Variants in SGMS1 observed in about 807,000 individuals in gnomAD.
SGMS1 encodes the protein phosphatidylcholine:ceramide cholinephosphotransferase 1.
SGMS1 carries 13 observed loss-of-function variants against 46.2 expected under a neutral mutation model. The ratio of observed to expected loss-of-function variants is 0.28; its 90% CI spans 0.18 to 0.45. SGMS1 has a LOEUF of 0.45. Ranked by LOEUF, SGMS1 falls within the 20% of genes least tolerant of loss-of-function variation. The probability of loss-of-function intolerance (pLI) is 1.00; values close to 1 mark genes in which losing one functional copy is unlikely to be tolerated. For missense variants in SGMS1, 324 were observed against 519.9 expected, an observed-to-expected ratio of 0.62 and a Z score of 3.66; for synonymous variants, 203 against 187.8, an observed-to-expected ratio of 1.08 and a Z score of -0.66.
chr10:50,378,106 A>G (rs961399956), intron 6 of SGMS1, among the ~76,000 whole-genome samples: 8 of 152,226 alleles, frequency 5.3e-5, no homozygotes, highest in African/African-American at 1.9e-4. Flanking sequence ...TTTAGGAGCC[A>G]TAATTCAAGA....
chr10:50,565,249 C>G (rs552752381), intron 2 of SGMS1, among the ~76,000 whole-genome samples: 1 of 152,168 alleles, frequency 6.6e-6, no homozygotes, highest in Non-Finnish European at 1.5e-5. Context: ...TTATACCTAG[C>G]AGACACACAA....
chr10:50,503,285 T>C lies in SGMS1; in HGVS notation c.-498+16546A>G, dbSNP rs1837677020. On this transcript the variant is annotated intron_variant, in intron 3 of 10. Coordinates refer to ENST00000361781, the MANE Select transcript of SGMS1 (RefSeq NM_147156.4). ...AATGCTGTTTTTCTAGAAGAGCTGA[T>C]TAGGAACACGCTAATTGTCCTAAGT... is the stretch of plus-strand genomic sequence containing the variant. Among the ~76,000 whole-genome samples, 4 of 152,194 alleles carry C rather than the reference T, an allele frequency of 2.6e-5. No homozygotes were observed. In the South Asian group the frequency reaches 8.3e-4, roughly 32 times the overall value.
At chr10:50,435,703 C>T (rs1217942934) in intron 5 of SGMS1, among the ~76,000 whole-genome samples, 2 of 152,150 alleles carry the variant, frequency 1.3e-5, no homozygotes, top group Admixed American at 6.5e-5. Flanking sequence ...ATGCTGGGCA[C>T]CACATCACAG....
At chr10:50,355,615 G>A (rs1174550143) in intron 6 of SGMS1, among the ~76,000 whole-genome samples, 1 of 152,130 alleles carries the variant, frequency 6.6e-6, no homozygotes, top group Non-Finnish European at 1.5e-5. Flanking sequence ...CGTGATCTCG[G>A]CTCGCTACAA....
chr10:50,513,092 T>C (rs1031245407), intron 3 of SGMS1, among the ~76,000 whole-genome samples: 3 of 152,204 alleles, frequency 2.0e-5, no homozygotes, highest in African/African-American at 7.2e-5. Flanking sequence ...CCAAAAACAC[T>C]GAGCTTCTTG....
At chr10:50,519,051 C>A (rs186077639) in intron 3 of SGMS1, among the ~76,000 whole-genome samples, 1 of 151,962 alleles carries the variant, frequency 6.6e-6, no homozygotes, top group African/African-American at 2.4e-5. Flanking sequence ...AATTTACTAC[C>A]GTTACATGCA....
intron 4 of SGMS1, among the ~76,000 whole-genome samples, chr10:50,461,494 G>A (rs999769543): frequency 2.6e-5 from 4 of 152,064 alleles, no homozygotes; most frequent in African/African-American, 7.2e-5. Context: ...ATTTTAGTTC[G>A]ATCATATTTA....
chr10:50,387,911 C>G (rs1299668313), intron 6 of SGMS1, among the ~76,000 whole-genome samples: 1 of 152,176 alleles, frequency 6.6e-6, no homozygotes, highest in Admixed American at 6.5e-5. Context: ...TATTTGAATA[C>G]AGTTTGAACA....
chr10:50,411,360 T>A (rs1188834070), intron 6 of SGMS1, among the ~76,000 whole-genome samples: 1 of 152,208 alleles, frequency 6.6e-6, no homozygotes, highest in Non-Finnish European at 1.5e-5. Flanking sequence ...TGTTTGAGCC[T>A]TTTGGTGAGA....
chr10:50,511,596 C>G (rs1837755913), intron 3 of SGMS1, among the ~76,000 whole-genome samples: 1 of 152,194 alleles, frequency 6.6e-6, no homozygotes, highest in African/African-American at 2.4e-5. Flanking sequence ...GTGATGTTAC[C>G]TTAGGACACC....
At chr10:50,584,285 G>A (rs1416902080) in intron 2 of SGMS1, among the ~76,000 whole-genome samples, 3 of 152,034 alleles carry the variant, frequency 2.0e-5, no homozygotes, top group African/African-American at 4.8e-5. Flanking sequence ...GGATCACGAG[G>A]TCAGGAGTTC....
At chr10:50,604,981 T>A (rs985673880) in intron 1 of SGMS1, among the ~76,000 whole-genome samples, 1 of 152,266 alleles carries the variant, frequency 6.6e-6, no homozygotes, top group African/African-American at 2.4e-5. Context: ...TGGCATTGTT[T>A]AAAACCACCA....
intron 2 of SGMS1, among the ~76,000 whole-genome samples, chr10:50,578,465 T>TA (rs1838404295): frequency 2.0e-5 from 3 of 152,356 alleles, no homozygotes; most frequent in Non-Finnish European, 2.9e-5. Context: ...TTTTATTTTT[T>TA]ATCACAAGGC....
At chr10:50,612,083 G>C (rs1470463568) in intron 1 of SGMS1, among the ~76,000 whole-genome samples, 4 of 152,188 alleles carry the variant, frequency 2.6e-5, no homozygotes, top group Non-Finnish European at 1.5e-5. Context: ...TAGTTTTCTT[G>C]AGGTTTGTTC....
chr10:50,311,393 T>C lies in SGMS1; in HGVS notation c.764A>G (p.Gln255Arg). 6.2e-7 allele frequency: 1 copy of C among 1,613,830 alleles called. No homozygotes were observed. The highest frequency in any genetic ancestry group is 2.2e-5 in the East Asian group (1 of 44,886). ...SPKLFGDWEA[Q>R]LRRIMKLIAG... ...AATGAGCTTCATTATTCTTCGCAGT[T>C]GGGCTTCCCAGTCTCCGAAAAGCTG... The change falls in exon 9 of 11, where the codon CAA (glutamine) becomes CGA (arginine). Residue 255 changes from glutamine (Q) to arginine (R), a missense_variant. Transcript: ENST00000361781.
intron 6 of SGMS1, among the ~76,000 whole-genome samples, chr10:50,346,106 T>A (rs759516993): frequency 6.6e-5 from 10 of 152,200 alleles, no homozygotes; most frequent in African/African-American, 2.4e-5. Flanking sequence ...TCTCAGCATC[T>A]CCCATACATA....
intron 7 of SGMS1, among the ~76,000 whole-genome samples, chr10:50,332,901 T>G (rs1391403186): frequency 6.6e-6 from 1 of 152,194 alleles, no homozygotes; most frequent in African/African-American, 2.4e-5. Context: ...TTCTCCTAGA[T>G]GTGAATCCCA....
intron 6 of SGMS1, among the ~76,000 whole-genome samples, chr10:50,399,668 A>G (rs1848902164): frequency 6.6e-6 from 1 of 152,200 alleles, no homozygotes; most frequent in Non-Finnish European, 1.5e-5. Context: ...GATATATACC[A>G]GATTGTTCAT....
At chr10:50,439,061 T>C (rs1849509496) in intron 5 of SGMS1, among the ~76,000 whole-genome samples, 1 of 152,168 alleles carries the variant, frequency 6.6e-6, no homozygotes, top group Non-Finnish European at 1.5e-5. Flanking sequence ...ATGTGATAGA[T>C]TGGACTTAAA....
Sources: gnomAD v4.1 joint callset for allele counts (sites outside exome capture counted in the v4.1 genomes callset) on GRCh38, gnomAD v4.1.1 for gene constraint, MANE v1.5 for transcripts, NCBI Gene and HGNC (gene_info 2026-07-23, HGNC 2026-07-21) for gene names.